Variants in VAV3 observed in about 807,000 individuals in gnomAD.
VAV3 encodes the protein vav guanine nucleotide exchange factor 3.
In VAV3, 94 loss-of-function variants were observed where a neutral mutation model predicts 131.2. The ratio of observed to expected loss-of-function variants is 0.72; its 90% CI spans 0.61 to 0.85. VAV3 has a LOEUF of 0.85. VAV3 is among the 40% of genes least tolerant of loss of function. VAV3 has a pLI of 0.00. For missense variants in VAV3, 939 were observed against 1,002.7 expected, an observed-to-expected ratio of 0.94 and a Z score of 0.86; for synonymous variants, 349 against 342.0, an observed-to-expected ratio of 1.02 and a Z score of -0.22.
chr1:107,804,458 A>C (rs757633301), intron 2 of VAV3, among the ~76,000 whole-genome samples: 3 of 152,348 alleles, frequency 2.0e-5, no homozygotes, highest in South Asian at 2.1e-4. Context: ...TCTTGTAGAC[A>C]TAACAAGTCA....
intron 19 of VAV3, chr1:107,669,193 A>G (rs1229471144): frequency 2.0e-4 from 231 of 1,147,240 alleles, no homozygotes; most frequent in Non-Finnish European, 2.4e-4. Context: ...CACTCTGCTC[A>G]AAGTCTTCTT....
chr1:107,897,988 G>T (rs920222144), intron 1 of VAV3, among the ~76,000 whole-genome samples: 2 of 151,990 alleles, frequency 1.3e-5, no homozygotes, highest in African/African-American at 4.8e-5. Flanking sequence ...TAAAATATGA[G>T]TATGAAAACC....
At chr1:107,942,837 A>C (rs1674068052) in intron 1 of VAV3, among the ~76,000 whole-genome samples, 1 of 152,216 alleles carries the variant, frequency 6.6e-6, no homozygotes, top group South Asian at 2.1e-4. Context: ...ATATTTCTTA[A>C]GGGCCACCCC....
chr1:107,927,884 G>C (rs1468634620), intron 1 of VAV3, among the ~76,000 whole-genome samples: 1 of 152,152 alleles, frequency 6.6e-6, no homozygotes, highest in Non-Finnish European at 1.5e-5. Flanking sequence ...TACAAGCCTG[G>C]CTTCACCACC....
At chr1:107,874,321 T>C (rs1009519518) in intron 2 of VAV3, among the ~76,000 whole-genome samples, 7 of 152,192 alleles carry the variant, frequency 4.6e-5, no homozygotes, top group Non-Finnish European at 5.9e-5. Flanking sequence ...ACAATTTCCA[T>C]GTGAAAAATG....
chr1:107,779,340 C>T, intron 3 of VAV3, 94 bp downstream of exon 3: 1 of 1,116,250 alleles, frequency 9.0e-7, no homozygotes, highest in Non-Finnish European at 1.2e-6. Context: ...GACATAGTAC[C>T]TGTGTGCAAG....
intron 21 of VAV3, among the ~76,000 whole-genome samples, chr1:107,610,489 A>T (rs1417900919): frequency 1.3e-5 from 2 of 152,094 alleles, no homozygotes; most frequent in Non-Finnish European, 2.9e-5. Flanking sequence ...TTTCCAAGAC[A>T]TTGGGAAAAC....
At chr1:107,676,612 T>C (rs1032305415) in intron 19 of VAV3, among the ~76,000 whole-genome samples, 1 of 152,160 alleles carries the variant, frequency 6.6e-6, no homozygotes, top group African/African-American at 2.4e-5. Flanking sequence ...CTTTTTTTTT[T>C]CCTAAGCTAG....
At chr1:107,793,343 T>C (rs1469263976) in intron 2 of VAV3, among the ~76,000 whole-genome samples, 2 of 152,192 alleles carry the variant, frequency 1.3e-5, no homozygotes, top group African/African-American at 4.8e-5. Flanking sequence ...GGTAGGGCTA[T>C]GAGAGTTGAA....
rs565377808 is a variant in VAV3, at chr1:107,680,703, C to T, written c.1777+2785G>A. ...CTAGGATTACAGGAATGAGCCAACGCGCCTGGCCTACATATATTAGCTCAC... is the reference window on the plus strand; with the variant it reads ...CTAGGATTACAGGAATGAGCCAACGTGCCTGGCCTACATATATTAGCTCAC... On this transcript the variant is annotated intron_variant, in intron 19 of 26. Transcript: ENST00000370056. Among the ~76,000 whole-genome samples the T allele has an allele frequency of 1.0e-3, 156 of 152,234 alleles. 2 individuals carry two copies. Among genetic ancestry groups the T allele is most frequent in the African/African-American group, 3.7e-3 (152 of 41,536 alleles).
At chr1:107,877,595 C>T (rs1438280832) in intron 1 of VAV3, among the ~76,000 whole-genome samples, 1 of 152,118 alleles carries the variant, frequency 6.6e-6, no homozygotes, top group Non-Finnish European at 1.5e-5. Context: ...CTTACTTGTC[C>T]CTTAACTAGT....
In VAV3 at chr1:107,890,757, A is replaced by C. The variant is rs190219671; in HGVS notation, c.205-15740T>G. 1.1e-3 allele frequency among the ~76,000 whole-genome samples: 164 copies of C among 152,294 alleles called. 1 individual carries two copies. Among genetic ancestry groups the C allele is most frequent in the Admixed American group, 8.8e-3 (134 of 15,298 alleles). On this transcript the variant is annotated intron_variant, in intron 1 of 26. Coordinates refer to ENST00000370056, the MANE Select transcript of VAV3 (RefSeq NM_006113.5). ...TACCCCCAACTCTAGTAAATACCTT[A>C]ATTTCTGTGCTCTGCAAATCTGCAC...
intron 20 of VAV3, among the ~76,000 whole-genome samples, chr1:107,641,431 C>T (rs868345952): frequency 6.6e-6 from 1 of 152,172 alleles, no homozygotes; most frequent in African/African-American, 2.4e-5. Flanking sequence ...TTAACGAATT[C>T]TTTCCTCAAC....
chr1:107,718,192 G>A (rs1435168823), intron 15 of VAV3, among the ~76,000 whole-genome samples: 1 of 152,082 alleles, frequency 6.6e-6, no homozygotes. Context: ...ACATACTGTT[G>A]GAAGTTCTGG....
chr1:107,885,672 T>A (rs934025338), intron 1 of VAV3, among the ~76,000 whole-genome samples: 1 of 152,080 alleles, frequency 6.6e-6, no homozygotes, highest in Non-Finnish European at 1.5e-5. Context: ...ACTTACCTGA[T>A]ACAGGTAAGT....
intron 19 of VAV3, among the ~76,000 whole-genome samples, chr1:107,659,336 C>T (rs796773423): frequency 3.3e-5 from 5 of 151,896 alleles, no homozygotes; most frequent in African/African-American, 7.2e-5. Flanking sequence ...ATAGGAAATG[C>T]GAATGGAGAT....
At chr1:107,828,671 T>G (rs1668116618) in intron 2 of VAV3, among the ~76,000 whole-genome samples, 1 of 152,110 alleles carries the variant, frequency 6.6e-6, no homozygotes, top group Admixed American at 6.5e-5. Context: ...GTGGAGCATC[T>G]CTCTCCAAGC....
intron 15 of VAV3, among the ~76,000 whole-genome samples, chr1:107,710,606 T>A (rs1414325839): frequency 6.6e-6 from 1 of 152,186 alleles, no homozygotes; most frequent in Non-Finnish European, 1.5e-5. Flanking sequence ...ATACAACAAG[T>A]TGGCTCTCTT....
chr1:107,891,838 C>CAAAAAAAAAAAA (rs35693360), intron 1 of VAV3, among the ~76,000 whole-genome samples: 7 of 27,924 alleles, frequency 2.5e-4, no homozygotes, highest in African/African-American at 7.3e-4. Flanking sequence ...GACTCCGTCT[C>CAAAAAAAAAAAA]AAAAAAAAAA....
Sources: allele counts gnomAD v4.1 joint callset (sites outside exome capture counted in the v4.1 genomes callset), GRCh38; gene constraint gnomAD v4.1.1; transcripts MANE v1.5; gene names NCBI Gene and HGNC (gene_info 2026-07-23, HGNC 2026-07-21).